Variants in ABLIM1 observed in about 807,000 individuals in gnomAD.
ABLIM1 encodes actin-binding LIM protein 1.
A neutral mutation model predicts 107.0 loss-of-function variants in ABLIM1; 40 were observed. That is an observed-to-expected ratio of 0.37 (90% confidence interval 0.29 to 0.49). The LOEUF is 0.49. ABLIM1 is among the 20% of genes least tolerant of loss of function. The probability of loss-of-function intolerance (pLI) is 0.97; values close to 1 mark genes in which losing one functional copy is unlikely to be tolerated. For synonymous variants in ABLIM1, 357 were observed against 357.3 expected, an observed-to-expected ratio of 1.00 and a Z score of 0.01; for missense variants, 857 against 1,008.5, an observed-to-expected ratio of 0.85 and a Z score of 2.04.
chr10:114,485,793 T>G (rs1037309963), intron 8 of ABLIM1, among the ~76,000 whole-genome samples: 2 of 152,172 alleles, frequency 1.3e-5, no homozygotes, highest in Non-Finnish European at 2.9e-5. Context: ...ACATTTTCAT[T>G]TTGCTATGGA....
At chr10:114,450,134 T>A (rs754481176) in intron 14 of ABLIM1, 1 of 384,872 alleles carries the variant, frequency 2.6e-6, no homozygotes, top group Non-Finnish European at 5.3e-6. Flanking sequence ...CTTCAAACAG[T>A]ACTTACGCAT....
At position 114,518,057 on chromosome 10, in the gene ABLIM1, T is replaced by C. The variant is rs1446767372; in HGVS notation, c.895-26179A>G. On this transcript the variant is annotated intron_variant, in intron 6 of 22. Transcript: ENST00000533213. ...GTCATTAAAAAGAATGTCATCATCC[T>C]ATAAGCATCAACACTGAGTTACTGC... Among the ~76,000 whole-genome samples, 3 of 152,214 alleles carry C rather than the reference T, an allele frequency of 2.0e-5. No homozygotes were observed. In the East Asian group the frequency reaches 5.8e-4, roughly 29 times the overall value.
At chr10:114,475,074 G>A (rs749952416) in intron 8 of ABLIM1, among the ~76,000 whole-genome samples, 2 of 152,156 alleles carry the variant, frequency 1.3e-5, no homozygotes, top group Non-Finnish European at 2.9e-5. Flanking sequence ...CTAGCGGCAT[G>A]AGAACAGACC....
chr10:114,510,982 T>TC (rs2061777406), intron 6 of ABLIM1, among the ~76,000 whole-genome samples: 1 of 152,082 alleles, frequency 6.6e-6, no homozygotes, highest in Admixed American at 6.5e-5. Context: ...CTGAGTGTGT[T>TC]CCCTCCCTCC....
intron 1 of ABLIM1, among the ~76,000 whole-genome samples, chr10:114,741,892 T>C (rs2082295986): frequency 6.6e-6 from 1 of 152,210 alleles, no homozygotes; most frequent in African/African-American, 2.4e-5. Flanking sequence ...TGGCAATGCC[T>C]TTGAATTATG....
chr10:114,789,485 G>C, the ABLIM1 span, among the ~76,000 whole-genome samples: 1 of 151,866 alleles, frequency 6.6e-6, no homozygotes, highest in African/African-American at 2.4e-5. Context: ...TTTAGACTTG[G>C]GGTACATGTA....
At position 114,613,848 on chromosome 10, in the gene ABLIM1, G is replaced by C. The variant is rs531267711; in HGVS notation, c.245-11887C>G. The C allele has an allele frequency of 2.2e-5, 16 of 719,874 alleles. No individual in the cohort carries two copies. The Admixed American group carries it at 4.2e-4, about 19-fold the overall frequency. 44.6% of individuals were successfully genotyped at this position (719,874 alleles called of 1,614,324 possible). A position where few individuals can be genotyped will look rare whatever the true frequency, so the allele number is the denominator to read the frequency against. On this transcript the variant is annotated intron_variant, in intron 1 of 22. Coordinates refer to ENST00000533213, the MANE Select transcript of ABLIM1 (RefSeq NM_002313.7). Reference sequence around the variant, plus strand: ...TCAAGCTCTCTTATGACCTAATTTTGCTGGGTGTAACCTCTGCAAGAAAAT... The same window carrying C: ...TCAAGCTCTCTTATGACCTAATTTTCCTGGGTGTAACCTCTGCAAGAAAAT...
At chr10:114,587,465 G>A (rs150077380) in intron 2 of ABLIM1, among the ~76,000 whole-genome samples, 1 of 152,050 alleles carries the variant, frequency 6.6e-6, no homozygotes. Flanking sequence ...CAGATGCCCA[G>A]TGTTCAGAAT....
upstream of ABLIM1, among the ~76,000 whole-genome samples, chr10:114,768,338 G>A (rs1464151949): frequency 6.7e-6 from 1 of 148,648 alleles, no homozygotes; most frequent in South Asian, 2.1e-4. Flanking sequence ...CCGAGCCGCC[G>A]GGGCCCACCC....
intron 1 of ABLIM1, among the ~76,000 whole-genome samples, chr10:114,636,736 G>T (rs757202590): frequency 4.6e-5 from 7 of 152,100 alleles, no homozygotes; most frequent in Non-Finnish European, 1.0e-4. Context: ...AGGCTGATAA[G>T]AGTGTGGTTT....
chr10:114,653,682 A>T (rs2079358584), intron 1 of ABLIM1, among the ~76,000 whole-genome samples: 1 of 152,198 alleles, frequency 6.6e-6, no homozygotes, highest in East Asian at 1.9e-4. Context: ...ACGTTTACTG[A>T]TCTATTTCAT....
At chr10:114,611,433 T>C (rs1371904080) in intron 1 of ABLIM1, among the ~76,000 whole-genome samples, 1 of 149,090 alleles carries the variant, frequency 6.7e-6, no homozygotes, top group African/African-American at 2.5e-5. Flanking sequence ...ATCACACGAC[T>C]ACACACTAGC....
At chr10:114,455,610 G>A (rs979711254) in intron 12 of ABLIM1, among the ~76,000 whole-genome samples, 2 of 152,124 alleles carry the variant, frequency 1.3e-5, no homozygotes, top group African/African-American at 4.8e-5. Flanking sequence ...TCAGGGTATC[G>A]CCTGGCCAGG....
upstream of ABLIM1, among the ~76,000 whole-genome samples, chr10:114,771,130 C>CTATTTT (rs56067559): frequency 0.64 from 97,323 of 151,422 alleles, 31,266 homozygotes; most frequent in African/African-American, 0.68. Context: ...CGCACCCGGC[C>CTATTTT]TATTCTTTTA....
intron 17 of ABLIM1, 47 bp from the exon 18 acceptor site, chr10:114,441,833 T>A: frequency 6.5e-7 from 1 of 1,534,472 alleles, no homozygotes; most frequent in African/African-American, 1.4e-5. Context: ...AATCAGAAGG[T>A]CCAATCCTTT....
chr10:114,693,094 T>C (rs2081117846), intron 1 of ABLIM1, among the ~76,000 whole-genome samples: 2 of 152,166 alleles, frequency 1.3e-5, no homozygotes, highest in Admixed American at 6.5e-5. Context: ...GTGTGGAGGC[T>C]AAAGGGAGGC....
chr10:114,543,636 C>T (rs1410696438), intron 6 of ABLIM1, among the ~76,000 whole-genome samples: 1 of 152,230 alleles, frequency 6.6e-6, no homozygotes, highest in Non-Finnish European at 1.5e-5. Context: ...GTTCTTTACA[C>T]AACAACCTGG....
intron 1 of ABLIM1, among the ~76,000 whole-genome samples, chr10:114,762,860 A>G (rs1401618710): frequency 6.6e-6 from 1 of 152,208 alleles, no homozygotes; most frequent in African/African-American, 2.4e-5. Flanking sequence ...CACTCTTTCC[A>G]ATAACTGTGT....
chr10:114,768,647 G>T (rs560730925), upstream of ABLIM1, among the ~76,000 whole-genome samples: 2 of 148,838 alleles, frequency 1.3e-5, no homozygotes, highest in East Asian at 4.2e-4. Flanking sequence ...CAGGCTCTCG[G>T]AAAGCCTATG....
Sources: allele counts gnomAD v4.1 joint callset (sites outside exome capture counted in the v4.1 genomes callset), GRCh38; gene constraint gnomAD v4.1.1; transcripts MANE v1.5; gene names NCBI Gene and HGNC (gene_info 2026-07-23, HGNC 2026-07-21).